The following KCNIP4 variants were observed in gnomAD, a reference collection of about 807,000 sequenced individuals.
KCNIP4 encodes Kv channel-interacting protein 4.
A neutral mutation model predicts 34.0 loss-of-function variants in KCNIP4; 12 were observed. That is an observed-to-expected ratio of 0.35 (90% confidence interval 0.23 to 0.57). The LOEUF (loss-of-function observed/expected upper bound fraction) is 0.57. Among genes scored for constraint, KCNIP4 ranks in the 20% least tolerant of loss-of-function variants. The pLI is 0.83. For missense variants in KCNIP4, 238 were observed against 311.7 expected (o/e 0.76, Z 1.78); for synonymous variants, 124 against 102.2 (o/e 1.21, Z -1.29).
chr4:21,184,377 A>T (rs903227850), intron 1 of KCNIP4, among the ~76,000 whole-genome samples: 4 of 152,204 alleles, frequency 2.6e-5, no homozygotes, highest in African/African-American at 9.6e-5. Context: ...AGCATCTAGC[A>T]TAGTGTTTTG....
At chr4:21,777,213 A>G (rs761514184) in intron 1 of KCNIP4, among the ~76,000 whole-genome samples, 6 of 152,206 alleles carry the variant, frequency 3.9e-5, no homozygotes, top group Non-Finnish European at 8.8e-5. Flanking sequence ...GCCATGCAGA[A>G]TTGTGAGTCA....
At chr4:21,607,260 T>A (rs952191704) in intron 1 of KCNIP4, among the ~76,000 whole-genome samples, 14 of 152,138 alleles carry the variant, frequency 9.2e-5, no homozygotes, top group African/African-American at 2.9e-4. Flanking sequence ...CCACAGTGAA[T>A]AACGCCTATC....
chr4:21,776,394 C>T (rs970914581), intron 1 of KCNIP4, among the ~76,000 whole-genome samples: 1 of 152,094 alleles, frequency 6.6e-6, no homozygotes, highest in South Asian at 2.1e-4. Context: ...TTGGCCCCGC[C>T]CCAGAAGTTT....
chr4:21,065,144 A>G (rs1292728709), intron 1 of KCNIP4, among the ~76,000 whole-genome samples: 2 of 152,072 alleles, frequency 1.3e-5, no homozygotes, highest in East Asian at 3.9e-4. Flanking sequence ...TTCCCCTTTA[A>G]TGTCAGCTTA....
intron 1 of KCNIP4, among the ~76,000 whole-genome samples, chr4:21,909,582 T>C (rs183940709): frequency 2.0e-5 from 3 of 152,282 alleles, no homozygotes; most frequent in Non-Finnish European, 2.9e-5. Flanking sequence ...TCTTTATGTA[T>C]GCAAGCTGCA....
intron 1 of KCNIP4, among the ~76,000 whole-genome samples, chr4:21,282,459 A>AGTGTGTGTGTGT (rs34143880): frequency 6.8e-6 from 1 of 146,738 alleles, no homozygotes; most frequent in African/African-American, 2.5e-5. Context: ...AAGATGTGTG[A>AGTGTGTGTGTGT]GTGTGTGTGT....
At chr4:21,767,586 T>A (rs986638014) in intron 1 of KCNIP4, among the ~76,000 whole-genome samples, 11 of 152,102 alleles carry the variant, frequency 7.2e-5, no homozygotes, top group Admixed American at 3.3e-4. Flanking sequence ...TAGCTTTTTT[T>A]AGCTTATTTT....
chr4:20,935,744 A>C (rs999675565), intron 1 of KCNIP4, among the ~76,000 whole-genome samples: 2 of 152,142 alleles, frequency 1.3e-5, no homozygotes, highest in East Asian at 3.9e-4. Flanking sequence ...AATGACTCAA[A>C]AGTCTTTTTC....
chr4:21,779,486 CT>C (rs1459856904), intron 1 of KCNIP4, among the ~76,000 whole-genome samples: 1 of 152,102 alleles, frequency 6.6e-6, no homozygotes, highest in Non-Finnish European at 1.5e-5. Context: ...TGTTAATTAG[CT>C]TTAATTATTT....
At chr4:21,121,216 C>A (rs1750129965) in intron 1 of KCNIP4, among the ~76,000 whole-genome samples, 1 of 152,174 alleles carries the variant, frequency 6.6e-6, no homozygotes, top group Admixed American at 6.5e-5. Flanking sequence ...TCAGCCGGCC[C>A]TTTGCCCCAC....
chr4:21,678,185 CA>C (rs1335975987), intron 1 of KCNIP4, among the ~76,000 whole-genome samples: 1 of 151,916 alleles, frequency 6.6e-6, no homozygotes, highest in Non-Finnish European at 1.5e-5. Flanking sequence ...CATTATAATG[CA>C]AAAGAAGCCA....
At chr4:21,142,067 T>C (rs183908762) in intron 1 of KCNIP4, among the ~76,000 whole-genome samples, 59 of 146,848 alleles carry the variant, frequency 4.0e-4, no homozygotes, top group African/African-American at 1.5e-3. Context: ...AGGAGAATCG[T>C]GTGAACCCGG....
At chr4:21,299,245 C>G (rs1032849252) in intron 1 of KCNIP4, among the ~76,000 whole-genome samples, 1 of 151,694 alleles carries the variant, frequency 6.6e-6, no homozygotes, top group African/African-American at 2.4e-5. Flanking sequence ...TATTTTATAG[C>G]TAAAAATTAG....
At chr4:20,795,284 T>A (rs1713304292) in intron 3 of KCNIP4, among the ~76,000 whole-genome samples, 1 of 152,140 alleles carries the variant, frequency 6.6e-6, no homozygotes. Flanking sequence ...GACTTTATTA[T>A]ACTTCTGTGA....
chr4:21,031,028 C>G (rs892384657), intron 1 of KCNIP4, among the ~76,000 whole-genome samples: 6 of 152,162 alleles, frequency 3.9e-5, no homozygotes, highest in African/African-American at 1.2e-4. Flanking sequence ...AGAAGCAACC[C>G]TCATCCAACA....
intron 1 of KCNIP4, among the ~76,000 whole-genome samples, chr4:21,543,384 T>G (rs1200090048): frequency 6.6e-6 from 1 of 152,146 alleles, no homozygotes; most frequent in Non-Finnish European, 1.5e-5. Context: ...TCCTAACTAT[T>G]CATTTTTACA....
chr4:21,877,315 T>G (rs1162068534), intron 1 of KCNIP4, among the ~76,000 whole-genome samples: 1 of 151,988 alleles, frequency 6.6e-6, no homozygotes, highest in Non-Finnish European at 1.5e-5. Flanking sequence ...ATGGCACCAC[T>G]GCACTCCAGC....
intron 1 of KCNIP4, among the ~76,000 whole-genome samples, chr4:21,616,569 T>C (rs897287952): frequency 1.3e-5 from 2 of 152,150 alleles, no homozygotes; most frequent in Non-Finnish European, 2.9e-5. Context: ...GTTATATGTC[T>C]AAAATCAAGG....
intron 1 of KCNIP4, among the ~76,000 whole-genome samples, chr4:21,613,156 A>C (rs1744296811): frequency 6.6e-6 from 1 of 152,156 alleles, no homozygotes; most frequent in African/African-American, 2.4e-5. Context: ...TGTTGCAATC[A>C]TGCTCCCAAC....
Sources: allele counts gnomAD v4.1 joint callset (sites outside exome capture counted in the v4.1 genomes callset), GRCh38; gene constraint gnomAD v4.1.1; transcripts MANE v1.5; gene names NCBI Gene and HGNC (gene_info 2026-07-23, HGNC 2026-07-21).